LMAN2L: variants seen among roughly 807,000 people sequenced by gnomAD.
The protein encoded by LMAN2L is VIP36-like protein.
Under a neutral mutation model 44.3 loss-of-function variants are expected in LMAN2L, and 30 were observed. That is an observed-to-expected ratio of 0.68 (90% CI 0.51 to 0.92). The LOEUF is 0.92. Ranked by LOEUF, LMAN2L falls within the 40% of genes least tolerant of loss-of-function variation. LMAN2L has a pLI of 0.00. For synonymous variants in LMAN2L, 183 were observed against 171.1 expected (o/e 1.07, Z -0.54); for missense variants, 429 against 446.1 (o/e 0.96, Z 0.35).
At chr2:96,716,236 T>C (rs1350296829) in intron 4 of LMAN2L, among the ~76,000 whole-genome samples, 2 of 152,206 alleles carry the variant, frequency 1.3e-5, no homozygotes, top group Non-Finnish European at 2.9e-5. Context: ...CAATCATCTA[T>C]AATAAACATC....
At chr2:96,707,489 G>A (rs950047482) in intron 7 of LMAN2L, 91 bp from the exon 8 acceptor site, 3 of 1,421,322 alleles carry the variant, frequency 2.1e-6, no homozygotes, top group South Asian at 1.4e-5. Context: ...CCCAGTTTCT[G>A]ACACCTACTT....
chr2:96,736,543 T>C (rs1333854870), intron 2 of LMAN2L, among the ~76,000 whole-genome samples: 2 of 152,176 alleles, frequency 1.3e-5, no homozygotes, highest in African/African-American at 2.4e-5. Flanking sequence ...GCCTTGAACA[T>C]AATCATCCGG....
At chr2:96,737,142 T>G in intron 2 of LMAN2L, 1 of 456,426 alleles carries the variant, frequency 2.2e-6, no homozygotes, top group South Asian at 1.6e-5. Context: ...CTTACACTTG[T>G]ACAAAATCAC....
intron 4 of LMAN2L, among the ~76,000 whole-genome samples, chr2:96,721,610 C>T (rs2078157384): frequency 6.6e-6 from 1 of 151,972 alleles, no homozygotes; most frequent in African/African-American, 2.4e-5. Flanking sequence ...AAGCAATCCT[C>T]CTGCCTCAGC....
intron 4 of LMAN2L, among the ~76,000 whole-genome samples, chr2:96,732,627 G>A (rs1386424391): frequency 2.0e-5 from 3 of 147,362 alleles, no homozygotes; most frequent in Non-Finnish European, 4.5e-5. Context: ...CTGGGCGACA[G>A]AGTGAGACTC....
At chr2:96,719,715 C>T (rs1402236298) in intron 4 of LMAN2L, among the ~76,000 whole-genome samples, 2 of 152,204 alleles carry the variant, frequency 1.3e-5, no homozygotes, top group South Asian at 4.1e-4. Flanking sequence ...TCTGCCTCAG[C>T]CTCCCAAGAA....
chr2:96,715,305 C>A (rs1273657444), intron 4 of LMAN2L, among the ~76,000 whole-genome samples: 1 of 152,210 alleles, frequency 6.6e-6, no homozygotes, highest in Admixed American at 6.5e-5. Flanking sequence ...AAACGCTGCA[C>A]CAGACAGGGA....
chr2:96,717,765 G>T lies in LMAN2L; in HGVS notation c.508-5740C>A, dbSNP rs1010325571. Among the ~76,000 whole-genome samples, 4 of 150,762 alleles carry T rather than the reference G, an allele frequency of 2.7e-5. 1 individual carries two copies. The South Asian group carries it at 8.4e-4, about 32-fold the overall frequency. ...GAGGCAGGAGAATCGCTTGAACCCAGGAGGCAGAGGCCACAGTGGGCCAAG... is the reference window on the plus strand; with the variant it reads ...GAGGCAGGAGAATCGCTTGAACCCATGAGGCAGAGGCCACAGTGGGCCAAG... On this transcript the variant is annotated intron_variant, in intron 4 of 7. Transcript: ENST00000264963.
chr2:96,711,955 C>A lies in LMAN2L; in HGVS notation c.578G>T (p.Arg193Leu). The A allele has an allele frequency of 6.2e-7, 1 of 1,614,116 alleles. No homozygotes were observed. Among genetic ancestry groups the A allele is most frequent in the Non-Finnish European group, 8.5e-7 (1 of 1,180,012 alleles). ...SLSYDHERDG[R>L]PTELGGCTAI... ...TGTGCAGCCTCCCAGCTCTGTAGGC[C>A]GCCCATCCCGCTCATGATCATAGCT... The change falls in exon 5 of 8, where the codon CGG becomes CTG. Residue 193 changes from arginine (R) to leucine (L), a missense_variant. Arg to Leu is a moderately radical substitution (Grantham distance 102). Coordinates refer to ENST00000264963, the MANE Select transcript of LMAN2L (RefSeq NM_030805.4).
intron 4 of LMAN2L, among the ~76,000 whole-genome samples, chr2:96,714,505 CTACCATTTAG>C (rs1410048164): frequency 7.2e-5 from 11 of 152,232 alleles, no homozygotes; most frequent in African/African-American, 2.7e-4. Flanking sequence ...TCTTCAACAA[CTACCATTTAG>C]AACAAGGAAA....
intron 2 of LMAN2L, among the ~76,000 whole-genome samples, chr2:96,735,435 AG>A (rs2078492926): frequency 1.3e-5 from 2 of 152,340 alleles, no homozygotes; most frequent in South Asian, 4.1e-4. Flanking sequence ...TCAAAATGAA[AG>A]GGGATTGGGT....
chr2:96,738,080 A>G lies in LMAN2L; in HGVS notation c.188-13T>C, dbSNP rs1478092403. 4 of 1,573,738 alleles carry G rather than the reference A, an allele frequency of 2.5e-6. No homozygotes were observed. Among genetic ancestry groups the G allele is most frequent in the African/African-American group, 1.3e-5 (1 of 74,226 alleles). ...CCTGTGCCCACACCTACAGGAAGGA[A>G]GTAGATCAGTTCATACTTTTCAACA... is the stretch of plus-strand genomic sequence containing the variant. On this transcript the variant is annotated splice_polypyrimidine_tract_variant and intron_variant, in intron 1 of 7. Coordinates refer to ENST00000264963, the MANE Select transcript of LMAN2L (RefSeq NM_030805.4).
At chr2:96,715,918 A>G (rs2078030901) in intron 4 of LMAN2L, among the ~76,000 whole-genome samples, 1 of 152,218 alleles carries the variant, frequency 6.6e-6, no homozygotes, top group South Asian at 2.1e-4. Flanking sequence ...AAACAGAACA[A>G]TACAAAGCTC....
chr2:96,717,793 C>T (rs1324658927), intron 4 of LMAN2L, among the ~76,000 whole-genome samples: 5 of 148,368 alleles, frequency 3.4e-5, no homozygotes, highest in African/African-American at 5.0e-5. Flanking sequence ...GGGCCAAGAT[C>T]GTGCCACTAT....
chr2:96,713,273 C>A, intron 4 of LMAN2L: 3 of 733,112 alleles, frequency 4.1e-6, no homozygotes, highest in East Asian at 2.8e-5. Flanking sequence ...AATCCCCAAA[C>A]AGAATTTTAG....
At chr2:96,727,782 A>G (rs528976496) in intron 4 of LMAN2L, among the ~76,000 whole-genome samples, 1 of 152,340 alleles carries the variant, frequency 6.6e-6, no homozygotes, top group South Asian at 2.1e-4. Context: ...TGTCTAGGAC[A>G]TCTTCTGCAC....
Position 96,713,126 on chromosome 2 carries a change from C to T in LMAN2L, c.508-1101G>A, listed in dbSNP as rs766865563. On this transcript the variant is annotated intron_variant, in intron 4 of 7. Coordinates refer to ENST00000264963, the MANE Select transcript of LMAN2L (RefSeq NM_030805.4). ...GAGTACCTGGACTCCTGGAGAATATCGCCTCTTCTGGGCCTGAGAGGGTCC... is the reference window on the plus strand; with the variant it reads ...GAGTACCTGGACTCCTGGAGAATATTGCCTCTTCTGGGCCTGAGAGGGTCC... 1.1e-5 allele frequency: 17 copies of T among 1,551,268 alleles called. No homozygotes were observed. Among genetic ancestry groups the T allele is most frequent in the Non-Finnish European group, 9.6e-6 (11 of 1,146,876 alleles).
chr2:96,708,080 G>A (rs56351161), intron 6 of LMAN2L, among the ~76,000 whole-genome samples: 39,059 of 152,186 alleles, frequency 0.26, 6,010 homozygotes, highest in Non-Finnish European at 0.32. Flanking sequence ...ACTTAAAATG[G>A]TTCGACTTAC....
At chr2:96,725,635 C>T (rs1156540851) in intron 4 of LMAN2L, among the ~76,000 whole-genome samples, 1 of 150,758 alleles carries the variant, frequency 6.6e-6, no homozygotes, top group East Asian at 2.0e-4. Context: ...TTAGTAGAGA[C>T]GGGGTTTTAC....
Sources: gnomAD v4.1 joint callset for allele counts (sites outside exome capture counted in the v4.1 genomes callset) on GRCh38, gnomAD v4.1.1 for gene constraint, MANE v1.5 for transcripts, NCBI Gene and HGNC (gene_info 2026-07-23, HGNC 2026-07-21) for gene names.